Variants in CIB4 observed in about 807,000 individuals in gnomAD.
CIB4 encodes calcium and integrin binding family member 4, also known as calcium and integrin-binding family member 4.
A neutral mutation model predicts 25.8 loss-of-function variants in CIB4; 25 were observed. The ratio of observed to expected loss-of-function variants is 0.97; its 90% CI spans 0.71 to 1.35. The LOEUF (loss-of-function observed/expected upper bound fraction) is 1.35. Ranked by LOEUF, CIB4 falls within the 40% of genes most tolerant of loss-of-function variation. The pLI is 0.00. For missense variants in CIB4, 235 were observed against 228.2 expected (o/e 1.03, Z -0.19); for synonymous variants, 75 against 81.4 (o/e 0.92, Z 0.42).
intron 4 of CIB4, among the ~76,000 whole-genome samples, chr2:26,588,579 A>G (rs1234717486): frequency 6.6e-6 from 1 of 152,226 alleles, no homozygotes; most frequent in Non-Finnish European, 1.5e-5. Context: ...TACTACTTGC[A>G]GTTTCCCAGG....
chr2:26,636,124 T>C (rs1669528092), intron 2 of CIB4, among the ~76,000 whole-genome samples: 2 of 152,192 alleles, frequency 1.3e-5, no homozygotes, highest in South Asian at 4.1e-4. Context: ...TTGTGACCTC[T>C]TAGTAGAAAA....
At chr2:26,581,554 CCTT>C (rs1380741116) in intron 6 of CIB4, among the ~76,000 whole-genome samples, 161 bp from the exon 7 acceptor site, 1 of 152,206 alleles carries the variant, frequency 6.6e-6, no homozygotes, top group Non-Finnish European at 1.5e-5. Flanking sequence ...CAACCCCAAA[CCTT>C]CTTTAAGCTT....
At chr2:26,584,168 C>T (rs1668407146) in intron 4 of CIB4, among the ~76,000 whole-genome samples, 1 of 152,206 alleles carries the variant, frequency 6.6e-6, no homozygotes, top group African/African-American at 2.4e-5. Flanking sequence ...TCTTCACAAT[C>T]AACCTTTTAT....
chr2:26,631,733 C>T (rs1477228618), intron 2 of CIB4, among the ~76,000 whole-genome samples: 2 of 152,216 alleles, frequency 1.3e-5, no homozygotes, highest in Admixed American at 6.5e-5. Context: ...CTGATCTCTA[C>T]TGACAGTGTT....
At chr2:26,589,108 CTCTTCTTCTTCTTCTTCTTCT>C (rs1187640015) in intron 4 of CIB4, among the ~76,000 whole-genome samples, 7 of 67,818 alleles carry the variant, frequency 1.0e-4, no homozygotes, top group African/African-American at 2.7e-4. Context: ...CTTCTTCTTC[CTCTTCTTCTTCTTCTTCTTCT>C]TCTTCTTCTT....
intron 4 of CIB4, among the ~76,000 whole-genome samples, chr2:26,592,257 T>A (rs1322781899): frequency 6.6e-6 from 1 of 152,204 alleles, no homozygotes; most frequent in East Asian, 1.9e-4. Context: ...AGAGCACTGA[T>A]GGGGGCTTGA....
chr2:26,584,107 C>T (rs995862038), intron 4 of CIB4, among the ~76,000 whole-genome samples: 5 of 152,168 alleles, frequency 3.3e-5, no homozygotes, highest in Non-Finnish European at 7.4e-5. Context: ...AAGTATCGAT[C>T]GTGTGTGTAC....
At chr2:26,617,710 G>C (rs58857921) in intron 3 of CIB4, among the ~76,000 whole-genome samples, 14,175 of 152,236 alleles carry the variant, frequency 0.093, 895 homozygotes, top group Admixed American at 0.23. Context: ...ACCGGGTCCA[G>C]CTGTCCCTGC....
chr2:26,633,859 C>T (rs1443830251), intron 2 of CIB4, among the ~76,000 whole-genome samples: 3 of 152,140 alleles, frequency 2.0e-5, no homozygotes, highest in South Asian at 4.2e-4. Context: ...GCTGACTGTC[C>T]GTGGGACCTT....
chr2:26,594,040 C>T (rs955913340), intron 4 of CIB4, among the ~76,000 whole-genome samples: 27 of 152,272 alleles, frequency 1.8e-4, no homozygotes, highest in Admixed American at 2.6e-4. Context: ...CTCACTGAAG[C>T]CTACCTTCAG....
intron 3 of CIB4, among the ~76,000 whole-genome samples, chr2:26,597,230 T>C (rs560241375): frequency 2.2e-4 from 34 of 152,316 alleles, no homozygotes; most frequent in Non-Finnish European, 3.8e-4. Flanking sequence ...TTGAATCCAT[T>C]TGTTAAAAAT....
At chr2:26,604,019 AG>A (rs1301506873) in intron 3 of CIB4, among the ~76,000 whole-genome samples, 2,124 of 149,368 alleles carry the variant, frequency 0.014, 55 homozygotes, top group African/African-American at 0.05. Context: ...AAAAAAAAAA[AG>A]AAAGAAATAT....
chr2:26,593,205 A>G (rs1162290288), intron 4 of CIB4, among the ~76,000 whole-genome samples: 1 of 152,144 alleles, frequency 6.6e-6, no homozygotes, highest in African/African-American at 2.4e-5. Context: ...CTAGCTTTCC[A>G]GCTTGCAGAC....
rs555892906 is a variant in CIB4 at position 26,583,845 on chromosome 2, G to A, written c.382C>T (p.Arg128Ter). ...DEEDLQRIIL[R>*]LLNSDDMSED... ...GACATGTCATCACTGTTCAGCAGTC[G>A]CAGGATGATCCTCTGCAGATCCTCC... is the stretch of plus-strand genomic sequence containing the variant. The change falls in exon 5 of 7, where the codon CGA (arginine) becomes TGA (stop). Residue 128 changes from arginine to a stop codon, truncating the protein, a stop_gained. Coordinates refer to ENST00000288861, the MANE Select transcript of CIB4 (RefSeq NM_001029881.3). LOFTEE classifies it high-confidence loss of function. 3.7e-5 allele frequency: 60 copies of A among 1,613,288 alleles called. No homozygotes were observed. The highest frequency in any genetic ancestry group is 4.6e-5 in the Non-Finnish European group (54 of 1,179,570).
intron 4 of CIB4, among the ~76,000 whole-genome samples, chr2:26,590,257 G>GCA (rs1668560291): frequency 9.3e-5 from 1 of 10,740 alleles, no homozygotes; most frequent in Non-Finnish European, 3.4e-4. Flanking sequence ...CCAAGCATCT[G>GCA]TAAAAAAAAA....
intron 3 of CIB4, among the ~76,000 whole-genome samples, chr2:26,599,662 CTA>C (rs1668745668): frequency 6.6e-6 from 1 of 152,060 alleles, no homozygotes; most frequent in Non-Finnish European, 1.5e-5. Flanking sequence ...TTTCTCATCT[CTA>C]AATTTTCTTA....
intron 4 of CIB4, among the ~76,000 whole-genome samples, chr2:26,592,712 C>T (rs1265745801): frequency 6.6e-6 from 1 of 152,162 alleles, no homozygotes; most frequent in Non-Finnish European, 1.5e-5. Context: ...TTTCCTGACT[C>T]TTCTGTTATC....
At chr2:26,583,954 G>T in intron 4 of CIB4, 56 bp from the exon 5 acceptor site, 1 of 1,143,064 alleles carries the variant, frequency 8.7e-7, no homozygotes, top group East Asian at 2.4e-5. Flanking sequence ...AACAGGAAGA[G>T]GACTTGAGGA....
chr2:26,612,529 C>T (rs1554902), intron 3 of CIB4, among the ~76,000 whole-genome samples: 1 of 151,982 alleles, frequency 6.6e-6, no homozygotes, highest in African/African-American at 2.4e-5. Flanking sequence ...CCTCCCTCCC[C>T]TCCCAGGGTC....
Sources: allele counts gnomAD v4.1 joint callset (sites outside exome capture counted in the v4.1 genomes callset), GRCh38; gene constraint gnomAD v4.1.1; transcripts MANE v1.5; gene names NCBI Gene and HGNC (gene_info 2026-07-23, HGNC 2026-07-21).